The following SLC10A7 variants were observed in gnomAD, a reference collection of about 807,000 sequenced individuals.
SLC10A7 encodes the protein solute carrier family 10 member 7, also known as sodium/bile acid cotransporter 7.
Under a neutral mutation model 43.2 loss-of-function variants are expected in SLC10A7, and 29 were observed. The ratio of observed to expected loss-of-function variants is 0.67; its 90% CI spans 0.50 to 0.92. The LOEUF (loss-of-function observed/expected upper bound fraction) is 0.92. Among genes scored for constraint, SLC10A7 ranks in the 40% least tolerant of loss-of-function variants. The pLI is 0.00. For missense variants in SLC10A7, 295 were observed against 403.2 expected, an observed-to-expected ratio of 0.73 and a Z score of 2.30; for synonymous variants, 152 against 144.8, an observed-to-expected ratio of 1.05 and a Z score of -0.35.
Position 146,509,983 on chromosome 4 carries a change from A to T in SLC10A7, c.250T>A (p.Phe84Ile), listed in dbSNP as rs1737303478. The T allele has an allele frequency of 6.2e-7, 1 of 1,613,774 alleles. No individual in the cohort carries two copies. Among genetic ancestry groups the T allele is most frequent in the Non-Finnish European group, 8.5e-7 (1 of 1,179,878 alleles). Reference protein sequence around the residue: ...LFIQIFTLAFFPATIWLFLQL... With the variant: ...LFIQIFTLAFIPATIWLFLQL... ...AGAAAAAGCCATATTGTTGCTGGGA[A>T]GAATGCAAGAGTAAAGATCTGAATA... Residue 84 changes from phenylalanine (F) to isoleucine (I), a missense_variant, in exon 3 of 12, where the codon TTC becomes ATC. By Grantham distance (21) the Phe-to-Ile change is conservative. This residue lies in a region of SLC10A7 where 242 missense variants were observed against 362.5 expected (regional missense o/e 0.67). Coordinates refer to ENST00000335472, the MANE Select transcript of SLC10A7 (RefSeq NM_001029998.6).
At chr4:146,400,308 A>G (rs1042296736) in intron 5 of SLC10A7, among the ~76,000 whole-genome samples, 1 of 152,128 alleles carries the variant, frequency 6.6e-6, no homozygotes, top group African/African-American at 2.4e-5. Flanking sequence ...AGGCTTAATT[A>G]AATTGGGTAT....
In SLC10A7 at chr4:146,293,960, T is replaced by C. The variant is rs377670586; in HGVS notation, c.691A>G (p.Lys231Glu). The C allele has an allele frequency of 7.4e-6, 12 of 1,613,242 alleles. 1 individual carries two copies. Among genetic ancestry groups the C allele is most frequent in the South Asian group, 3.3e-5 (3 of 90,918 alleles). ...TFSNPNIDLD[K>E]FSLVLILFII... The stretch of plus-strand genomic sequence containing the variant: ...AACAGTATGAGAACAAGGCTGAATT[T>C]ATCCAGGTCAATATTTGGGTTAGAG... Residue 231 changes from lysine (K) to glutamate (E), a missense_variant, in exon 8 of 12, where the codon AAA becomes GAA. Physicochemically the swap from Lys to Glu is moderately conservative, Grantham distance 56 (BLOSUM62 1). Transcript: ENST00000335472.
chr4:146,420,601 G>GTA (rs751922043), intron 5 of SLC10A7, among the ~76,000 whole-genome samples: 7 of 152,116 alleles, frequency 4.6e-5, no homozygotes, highest in Non-Finnish European at 1.0e-4. Flanking sequence ...TGAGAGATAG[G>GTA]TACATAAGGC....
intron 6 of SLC10A7, 46 bp downstream of exon 6, chr4:146,325,915 G>C (rs1447985595): frequency 3.6e-5 from 56 of 1,544,878 alleles, no homozygotes; most frequent in Non-Finnish European, 4.7e-5. Flanking sequence ...AAGGGTTGTA[G>C]ATAGCTTTTA....
chr4:146,302,156 G>A (rs1560778400), intron 7 of SLC10A7, among the ~76,000 whole-genome samples: 1 of 152,164 alleles, frequency 6.6e-6, no homozygotes, highest in Non-Finnish European at 1.5e-5. Flanking sequence ...GATCTACCAT[G>A]AGAAGAATGC....
chr4:146,395,088 G>A (rs939083901), intron 5 of SLC10A7, among the ~76,000 whole-genome samples: 19 of 151,960 alleles, frequency 1.3e-4, no homozygotes, highest in African/African-American at 4.4e-4. Context: ...TGCAGTTTTG[G>A]CTGGGCACAG....
intron 10 of SLC10A7, among the ~76,000 whole-genome samples, chr4:146,263,931 G>A (rs1728390590): frequency 6.6e-6 from 1 of 152,180 alleles, no homozygotes; most frequent in Admixed American, 6.5e-5. Context: ...CACTTTCTCA[G>A]CACATTACTA....
intron 6 of SLC10A7, among the ~76,000 whole-genome samples, chr4:146,321,076 A>T (rs1425342097): frequency 6.6e-6 from 1 of 152,126 alleles, no homozygotes; most frequent in Non-Finnish European, 1.5e-5. Flanking sequence ...TTTCCATTTT[A>T]TGATATGATA....
At chr4:146,439,725 AG>A (rs1730457732) in intron 5 of SLC10A7, among the ~76,000 whole-genome samples, 1 of 152,160 alleles carries the variant, frequency 6.6e-6, no homozygotes, top group Admixed American at 6.6e-5. Flanking sequence ...TTTTATATAC[AG>A]GGAAGCTTAT....
intron 5 of SLC10A7, among the ~76,000 whole-genome samples, chr4:146,440,865 C>G (rs1160462678): frequency 6.6e-6 from 1 of 152,212 alleles, no homozygotes; most frequent in Non-Finnish European, 1.5e-5. Flanking sequence ...CCTCTCCTCT[C>G]TCCTTTACCA....
intron 5 of SLC10A7, among the ~76,000 whole-genome samples, chr4:146,346,994 G>A (rs909836279): frequency 6.6e-6 from 1 of 152,052 alleles, no homozygotes; most frequent in Non-Finnish European, 1.5e-5. Context: ...AAACTAAAAA[G>A]GTAAAGGCCA....
At chr4:146,306,495 A>G (rs933464588) in intron 6 of SLC10A7, among the ~76,000 whole-genome samples, 1 of 152,192 alleles carries the variant, frequency 6.6e-6, no homozygotes, top group Non-Finnish European at 1.5e-5. Context: ...TTTTTCTTAC[A>G]CAATGTCTAG....
chr4:146,509,825 C>A, intron 3 of SLC10A7, 88 bp downstream of exon 3: 1 of 1,230,480 alleles, frequency 8.1e-7, no homozygotes, highest in South Asian at 1.7e-5. Flanking sequence ...TACACATAAG[C>A]CCTTTTGTAT....
chr4:146,286,485 AGTTTGGAGTGGTGAGAAGGACTGT>A (rs1578787781), intron 9 of SLC10A7, among the ~76,000 whole-genome samples: 29 of 121,802 alleles, frequency 2.4e-4, no homozygotes, highest in East Asian at 1.3e-3. Context: ...AGAAGGACTG[AGTTTGGAGTGGTGAGAAGGACTGT>A]GTTTGGAGTG....
At position 146,258,846 on chromosome 4, in the gene SLC10A7, C is replaced by T. The variant is rs183771387; in HGVS notation, c.848-9G>A. On this transcript the variant is annotated splice_polypyrimidine_tract_variant and intron_variant, in intron 10 of 11. Coordinates refer to ENST00000335472, the MANE Select transcript of SLC10A7 (RefSeq NM_001029998.6). ...CTTCAGCATCGGAATTCCTGTTGAA[C>T]AAAGAAGACAGAAAACCTAAACCAA... The T allele has an allele frequency of 1.2e-5, 20 of 1,602,954 alleles. No individual in the cohort carries two copies. The highest frequency in any genetic ancestry group is 3.3e-4 in the Middle Eastern group (2 of 6,036).
At chr4:146,368,787 A>G (rs1490628406) in intron 5 of SLC10A7, among the ~76,000 whole-genome samples, 1 of 152,082 alleles carries the variant, frequency 6.6e-6, no homozygotes, top group Non-Finnish European at 1.5e-5. Flanking sequence ...ATAACCTGGG[A>G]AAAAAATGAT....
chr4:146,393,621 T>A (rs1738606869), intron 5 of SLC10A7, among the ~76,000 whole-genome samples: 1 of 152,188 alleles, frequency 6.6e-6, no homozygotes, highest in African/African-American at 2.4e-5. Flanking sequence ...AATGAATGAG[T>A]GCATGGCATA....
intron 2 of SLC10A7, among the ~76,000 whole-genome samples, chr4:146,510,450 G>A (rs1737357944): frequency 6.6e-6 from 1 of 151,902 alleles, no homozygotes; most frequent in African/African-American, 2.4e-5. Flanking sequence ...TTAGTAGGAT[G>A]GGATTTCACC....
intron 4 of SLC10A7, among the ~76,000 whole-genome samples, chr4:146,493,138 C>T (rs909190158): frequency 6.6e-6 from 1 of 152,192 alleles, no homozygotes; most frequent in Non-Finnish European, 1.5e-5. Context: ...GAAAAAGGCA[C>T]ATGCCCAGAA....
Sources: allele counts gnomAD v4.1 joint callset (sites outside exome capture counted in the v4.1 genomes callset), GRCh38; gene constraint gnomAD v4.1.1; regional missense constraint gnomAD v4.1.1; transcripts MANE v1.5; gene names NCBI Gene and HGNC (gene_info 2026-07-23, HGNC 2026-07-21).